Variants in PPP1R9A observed in about 807,000 individuals in gnomAD.
PPP1R9A encodes the protein protein phosphatase 1 regulatory subunit 9A, also known as neurabin-1.
PPP1R9A carries 59 observed loss-of-function variants against 141.9 expected under a neutral mutation model. That is an observed-to-expected ratio of 0.42 (90% CI 0.34 to 0.52). The LOEUF (loss-of-function observed/expected upper bound fraction) is 0.52. Ranked by LOEUF, PPP1R9A falls within the 20% of genes least tolerant of loss-of-function variation. The pLI, the probability that PPP1R9A is intolerant of heterozygous loss-of-function variation, is 0.10. For missense variants in PPP1R9A, 1,444 were observed against 1,611.9 expected, an observed-to-expected ratio of 0.90 and a Z score of 1.78; for synonymous variants, 500 against 569.7, an observed-to-expected ratio of 0.88 and a Z score of 1.74.
intron 2 of PPP1R9A, among the ~76,000 whole-genome samples, chr7:95,090,671 G>C (rs1199313659): frequency 6.6e-6 from 1 of 151,786 alleles, no homozygotes; most frequent in African/African-American, 2.4e-5. Context: ...AGCCAGGTGT[G>C]GTGGTGTGCA....
intron 2 of PPP1R9A, among the ~76,000 whole-genome samples, chr7:95,055,997 G>T (rs1811447653): frequency 6.6e-6 from 1 of 152,064 alleles, no homozygotes; most frequent in Non-Finnish European, 1.5e-5. Flanking sequence ...AACTTGTATT[G>T]TTATTTAACT....
At chr7:95,119,927 C>T (rs1029578526) in intron 3 of PPP1R9A, among the ~76,000 whole-genome samples, 1 of 149,130 alleles carries the variant, frequency 6.7e-6, no homozygotes, top group Non-Finnish European at 1.5e-5. Context: ...TATAGAAGCA[C>T]AGAGGAAAGT....
intron 2 of PPP1R9A, among the ~76,000 whole-genome samples, chr7:95,007,217 G>A (rs544911290): frequency 2.2e-4 from 33 of 152,276 alleles, no homozygotes; most frequent in African/African-American, 6.5e-4. Context: ...GGAGTACAGA[G>A]TTTTGCCATA....
intron 2 of PPP1R9A, among the ~76,000 whole-genome samples, chr7:94,940,053 A>G (rs1584308495): frequency 6.6e-6 from 1 of 152,226 alleles, no homozygotes; most frequent in East Asian, 1.9e-4. Flanking sequence ...AGTCATGAAT[A>G]GATGAAAGTT....
Position 95,116,656 on chromosome 7 carries a change from G to T in PPP1R9A, c.1529-4056G>T, listed in dbSNP as rs116395294. On this transcript the variant is annotated intron_variant, in intron 3 of 19. Transcript: ENST00000433360. ...TGCCAACAAAGTTGGGTTGGGAGAG[G>T]AGAATTGCAAAAAACAGTATTAAAT... is the stretch of plus-strand genomic sequence containing the variant. Among the ~76,000 whole-genome samples the T allele has an allele frequency of 2.5e-3, 373 of 152,164 alleles. 2 individuals are homozygous for T. The highest frequency in any genetic ancestry group is 8.0e-3 in the African/African-American group (334 of 41,536).
intron 14 of PPP1R9A, among the ~76,000 whole-genome samples, chr7:95,271,773 T>A (rs577524191): frequency 6.6e-6 from 1 of 152,244 alleles, no homozygotes; most frequent in East Asian, 1.9e-4. Flanking sequence ...GATGTATAAT[T>A]GGTCACAAAG....
chr7:94,950,840 A>G (rs946419673), intron 2 of PPP1R9A, among the ~76,000 whole-genome samples: 22 of 152,166 alleles, frequency 1.4e-4, no homozygotes, highest in Non-Finnish European at 2.5e-4. Context: ...TCAACTTCCT[A>G]GACTTCAGTG....
At chr7:95,135,854 C>CTTTT (rs58872136) in intron 4 of PPP1R9A, among the ~76,000 whole-genome samples, 1,443 of 72,888 alleles carry the variant, frequency 0.02, 1 homozygote, top group Non-Finnish European at 0.022. Context: ...TTCAGCTTTA[C>CTTTT]TTTTTTTTTT....
intron 2 of PPP1R9A, among the ~76,000 whole-genome samples, chr7:94,922,015 A>G (rs1792905639): frequency 1.3e-5 from 2 of 151,876 alleles, no homozygotes; most frequent in South Asian, 4.1e-4. Context: ...TCATATCTGT[A>G]TTATATACAG....
intron 4 of PPP1R9A, among the ~76,000 whole-genome samples, chr7:95,152,306 T>C (rs1170556537): frequency 1.3e-5 from 2 of 152,216 alleles, no homozygotes; most frequent in Non-Finnish European, 2.9e-5. Flanking sequence ...AAGAGAATGC[T>C]AAATAATTCC....
chr7:95,257,946 T>C (rs889492179), intron 12 of PPP1R9A, among the ~76,000 whole-genome samples: 51 of 152,202 alleles, frequency 3.4e-4, no homozygotes, highest in Non-Finnish European at 6.3e-4. Flanking sequence ...TTCCAAGTCT[T>C]TGCTATTGTG....
intron 2 of PPP1R9A, among the ~76,000 whole-genome samples, chr7:95,099,407 A>T (rs1395124187): frequency 6.6e-6 from 1 of 152,120 alleles, no homozygotes; most frequent in Non-Finnish European, 1.5e-5. Flanking sequence ...CCAGTTTAAA[A>T]CTCTGGCTGA....
chr7:95,223,573 C>T (rs1339235326), intron 7 of PPP1R9A, among the ~76,000 whole-genome samples: 2 of 151,960 alleles, frequency 1.3e-5, no homozygotes, highest in African/African-American at 4.8e-5. Context: ...AGGTCCCATC[C>T]TAGGCACATA....
chr7:95,236,508 T>C (rs995725554), intron 8 of PPP1R9A, among the ~76,000 whole-genome samples: 1 of 151,800 alleles, frequency 6.6e-6, no homozygotes, highest in Admixed American at 6.6e-5. Context: ...TAGGCTATTA[T>C]ACTTATTAAC....
At chr7:95,258,192 T>A (rs1799893562) in intron 12 of PPP1R9A, among the ~76,000 whole-genome samples, 1 of 152,160 alleles carries the variant, frequency 6.6e-6, no homozygotes, top group African/African-American at 2.4e-5. Flanking sequence ...TTTCCTGACT[T>A]TTTAATGATC....
At chr7:95,090,071 G>A (rs1351422960) in intron 2 of PPP1R9A, among the ~76,000 whole-genome samples, 1 of 151,902 alleles carries the variant, frequency 6.6e-6, no homozygotes, top group Non-Finnish European at 1.5e-5. Flanking sequence ...TAACTAAGCT[G>A]TCTTAAATGG....
chr7:95,105,578 T>C (rs560537847), intron 2 of PPP1R9A, among the ~76,000 whole-genome samples: 48 of 152,342 alleles, frequency 3.2e-4, no homozygotes, highest in African/African-American at 8.7e-4. Context: ...AAAATACATA[T>C]ATCTTGTTGG....
intron 12 of PPP1R9A, among the ~76,000 whole-genome samples, chr7:95,253,277 A>G (rs1480052683): frequency 6.6e-6 from 1 of 152,164 alleles, no homozygotes; most frequent in Non-Finnish European, 1.5e-5. Context: ...CCCTGTTATA[A>G]TGGGCTTTTT....
intron 2 of PPP1R9A, among the ~76,000 whole-genome samples, chr7:94,920,801 G>A (rs1792699321): frequency 6.6e-6 from 1 of 152,146 alleles, no homozygotes; most frequent in African/African-American, 2.4e-5. Context: ...AGAATCTTGC[G>A]GATTAGGTCT....
Sources: allele counts gnomAD v4.1 joint callset (sites outside exome capture counted in the v4.1 genomes callset), GRCh38; gene constraint gnomAD v4.1.1; transcripts MANE v1.5; gene names NCBI Gene and HGNC (gene_info 2026-07-23, HGNC 2026-07-21).